ZFP64: variants seen among roughly 807,000 people sequenced by gnomAD.
ZFP64 encodes the protein ZFP64 zinc finger protein.
ZFP64 carries 14 observed loss-of-function variants against 51.6 expected under a neutral mutation model. The ratio of observed to expected loss-of-function variants is 0.27; its 90% CI spans 0.18 to 0.42. The LOEUF (loss-of-function observed/expected upper bound fraction) is 0.42. ZFP64 is among the 10% of genes least tolerant of loss of function. The probability of loss-of-function intolerance (pLI) is 1.00; values close to 1 mark genes in which losing one functional copy is unlikely to be tolerated. For missense variants in ZFP64, 754 were observed against 906.8 expected, an observed-to-expected ratio of 0.83 and a Z score of 2.16; for synonymous variants, 375 against 361.4, an observed-to-expected ratio of 1.04 and a Z score of -0.43.
At chr20:52,164,480 C>T (rs955807788) in intron 4 of ZFP64, among the ~76,000 whole-genome samples, 2 of 152,328 alleles carry the variant, frequency 1.3e-5, no homozygotes, top group Non-Finnish European at 1.5e-5. Flanking sequence ...GCTAAGTTTG[C>T]TCACATCCTC....
At chr20:52,173,442 G>A (rs1402247919) in intron 2 of ZFP64, among the ~76,000 whole-genome samples, 18 of 152,080 alleles carry the variant, frequency 1.2e-4, no homozygotes, top group Admixed American at 1.2e-3. Context: ...ACAAAAAATA[G>A]CTGGGTGTGA....
chr20:52,121,054 T>C, intron 5 of ZFP64, among the ~76,000 whole-genome samples: 1 of 152,174 alleles, frequency 6.6e-6, no homozygotes, highest in East Asian at 1.9e-4. Flanking sequence ...GACGGGAACT[T>C]AATTGACAAG....
chr20:52,095,000 G>A (rs1257995231), intron 7 of ZFP64, among the ~76,000 whole-genome samples: 5 of 152,162 alleles, frequency 3.3e-5, no homozygotes, highest in African/African-American at 1.2e-4. Context: ...AATTTGAACT[G>A]AAGCACCAAA....
At chr20:52,103,066 AAAG>A (rs148994618) in intron 5 of ZFP64, among the ~76,000 whole-genome samples, 2,157 of 152,236 alleles carry the variant, frequency 0.014, 47 homozygotes, top group African/African-American at 0.049. Flanking sequence ...CCAGGAAACC[AAAG>A]AAGGCCTGAA....
chr20:52,145,780 G>A (rs1980495568), intron 5 of ZFP64, among the ~76,000 whole-genome samples: 1 of 152,214 alleles, frequency 6.6e-6, no homozygotes, highest in South Asian at 2.1e-4. Context: ...GGTGAGTGGT[G>A]AGTGAATGTG....
Position 52,152,783 on chromosome 20 carries a change from T to G in ZFP64, c.1409A>C (p.Gln470Pro), listed in dbSNP as rs757393556. Residue 470 changes from glutamine to proline, a missense_variant, in exon 6 of 6, where the codon CAG becomes CCG. Gln to Pro is a moderately conservative substitution (Grantham distance 76, BLOSUM62 -1). Around this residue, in one of 3 missense-constraint regions of ZFP64, gnomAD observed 428 missense variants for 472.4 expected, o/e 0.91. Transcript: ENST00000216923. ...TCCCACAGTGAGGGGCGTGGCGGGC[T>G]GCTTGCTGGGGTCGATCTGAAACTG... ...VLQFQIDPSK[Q>P]PATPLTVGHL... The G allele has an allele frequency of 1.9e-6, 3 of 1,607,478 alleles. No individual in the cohort carries two copies. The highest frequency in any genetic ancestry group is 8.5e-7 in the Non-Finnish European group (1 of 1,175,102).
chr20:52,150,653 CAAAG>C (rs1980747014), downstream of ZFP64, among the ~76,000 whole-genome samples: 1 of 152,084 alleles, frequency 6.6e-6, no homozygotes, highest in African/African-American at 2.4e-5. Flanking sequence ...TATTACAGAT[CAAAG>C]AAAGAAGAAT....
intron 5 of ZFP64, among the ~76,000 whole-genome samples, chr20:52,098,820 G>A (rs563962393): frequency 2.6e-5 from 4 of 152,014 alleles, no homozygotes; most frequent in East Asian, 1.9e-4. Flanking sequence ...TGGCCAATAT[G>A]GTGAAACCCT....
In ZFP64 at chr20:52,160,358, C is replaced by T. The variant is rs761443300; in HGVS notation, c.528G>A (p.Lys176=). 3 of 1,613,330 alleles carry T rather than the reference C, an allele frequency of 1.9e-6. No homozygotes were observed. Among genetic ancestry groups the T allele is most frequent in the Non-Finnish European group, 1.7e-6 (2 of 1,179,444 alleles). The part of the protein sequence containing the change: ...LKIHTGDKPH[K]CEVCGKCFSR... ...TAAAGCACTTGCCACAGACTTCACACTTATGGGGTTTGTCTCCTTCAAACA... is the reference window on the plus strand; with the variant it reads ...TAAAGCACTTGCCACAGACTTCACATTTATGGGGTTTGTCTCCTTCAAACA... The change falls in exon 5 of 6, where the codon AAG becomes AAA. Residue 176 remains lysine, a synonymous_variant. Transcript: ENST00000216923. The surrounding 1 kb of genome is among the most constrained non-coding windows in gnomAD (Gnocchi z 4.2).
At chr20:52,165,431 TATA>T (rs1982175192) in intron 3 of ZFP64, 2 of 455,628 alleles carry the variant, frequency 4.4e-6, no homozygotes, top group Non-Finnish European at 8.8e-6. Context: ...ACAAAGCAAA[TATA>T]ATAAAATGGT....
chr20:52,104,044 A>T (rs1402935066), intron 5 of ZFP64, among the ~76,000 whole-genome samples: 1 of 152,176 alleles, frequency 6.6e-6, no homozygotes, highest in African/African-American at 2.4e-5. Context: ...GCCCGGAAAG[A>T]GCGGGGGAGA....
chr20:52,169,679 A>G (rs984649454), intron 2 of ZFP64, among the ~76,000 whole-genome samples: 1 of 152,198 alleles, frequency 6.6e-6, no homozygotes, highest in African/African-American at 2.4e-5. Context: ...TCTCAGATGT[A>G]TAATTTGCAA....
At chr20:52,135,423 C>T (rs1374584569) in intron 5 of ZFP64, among the ~76,000 whole-genome samples, 1 of 152,184 alleles carries the variant, frequency 6.6e-6, no homozygotes, top group African/African-American at 2.4e-5. Flanking sequence ...CTGCTGATTC[C>T]TGCTCTATGG....
At chr20:52,120,915 G>C (rs1979158969) in intron 5 of ZFP64, among the ~76,000 whole-genome samples, 1 of 152,040 alleles carries the variant, frequency 6.6e-6, no homozygotes, top group Admixed American at 6.6e-5. Context: ...GACGTCAGGT[G>C]ATCTGCCCGC....
chr20:52,185,943 A>G (rs1983933674), intron 2 of ZFP64, among the ~76,000 whole-genome samples: 1 of 152,124 alleles, frequency 6.6e-6, no homozygotes, highest in African/African-American at 2.4e-5. Flanking sequence ...AGAGGGATTT[A>G]GGCCTTAATC....
In ZFP64 at chr20:52,191,561, A is replaced by C; in HGVS notation, c.46+30T>G. 6.4e-7 allele frequency: 1 copy of C among 1,558,088 alleles called. No homozygotes were observed. Among genetic ancestry groups the C allele is most frequent in the Non-Finnish European group, 8.6e-7 (1 of 1,157,058 alleles). ...CCCCGGAGCGCGCACTGGGCCCCGG[A>C]GCGCGCACTGCTCCCGGAAAAGCAC... On this transcript the variant is annotated intron_variant, in intron 1 of 5. Transcript: ENST00000216923. This position sits in a 1 kb window ranked among gnomAD's most constrained non-coding sequence, Gnocchi z 4.3.
At chr20:52,084,764 C>T (rs780317152) in exon 9 of ZFP64, 1 of 1,614,242 alleles carries the variant, frequency 6.2e-7, no homozygotes, top group African/African-American at 1.3e-5. Context: ...GGAAGGCCCT[C>T]TGCGTCACGA....
downstream of ZFP64, among the ~76,000 whole-genome samples, chr20:52,147,813 A>G (rs1340498024): frequency 6.6e-6 from 1 of 152,106 alleles, no homozygotes; most frequent in Non-Finnish European, 1.5e-5. Context: ...CCAGGAGTGC[A>G]AGACCAGCCT....
intron 4 of ZFP64, among the ~76,000 whole-genome samples, chr20:52,164,291 A>G (rs1982063114): frequency 6.6e-6 from 1 of 152,234 alleles, no homozygotes; most frequent in African/African-American, 2.4e-5. Flanking sequence ...TAAAAGAAAA[A>G]GACAAAAAAA....
Sources: allele counts gnomAD v4.1 joint callset (sites outside exome capture counted in the v4.1 genomes callset), GRCh38; gene constraint gnomAD v4.1.1; regional missense constraint gnomAD v4.1.1; non-coding constraint Gnocchi (gnomAD v3.1); transcripts MANE v1.5; gene names NCBI Gene and HGNC (gene_info 2026-07-23, HGNC 2026-07-21).